PHF20: variants seen among roughly 807,000 people sequenced by gnomAD.
PHF20 encodes PHD finger protein 20, also known as glioma-expressed antigen 2.
Under a neutral mutation model 113.5 loss-of-function variants are expected in PHF20, and 23 were observed. The ratio of observed to expected loss-of-function variants is 0.20; its 90% CI spans 0.15 to 0.29. The LOEUF (loss-of-function observed/expected upper bound fraction) is 0.29, where lower values mean the gene tolerates loss of function less well. PHF20 is among the 10% of genes least tolerant of loss of function. The probability of loss-of-function intolerance (pLI) is 1.00; values close to 1 mark genes in which losing one functional copy is unlikely to be tolerated. For synonymous variants in PHF20, 434 were observed against 457.3 expected, an observed-to-expected ratio of 0.95 and a Z score of 0.65; for missense variants, 943 against 1,219.6, an observed-to-expected ratio of 0.77 and a Z score of 3.38.
chr20:35,915,083 C>T (rs996769990), intron 12 of PHF20, among the ~76,000 whole-genome samples: 2 of 147,290 alleles, frequency 1.4e-5, no homozygotes, highest in African/African-American at 5.0e-5. Flanking sequence ...CACACACTTA[C>T]ACACATATAT....
rs530292978 is a variant in PHF20, at chr20:35,933,624, A to C, written c.2300+2180A>C. On this transcript the variant is annotated intron_variant, in intron 15 of 17. Coordinates refer to ENST00000374012, the MANE Select transcript of PHF20 (RefSeq NM_016436.5). The stretch of plus-strand genomic sequence containing the variant: ...GTGTTAGCCAGGATGGTCTCGATCT[A>C]CTGACCTTGCGATCCACCTGCCTCA... Among the ~76,000 whole-genome samples, 94 of 152,084 alleles carry C rather than the reference A, an allele frequency of 6.2e-4. No homozygotes were observed. The Middle Eastern group carries it at 0.01, about 17-fold the overall frequency.
chr20:35,778,176 T>C (rs2041212783), intron 1 of PHF20, among the ~76,000 whole-genome samples: 1 of 152,154 alleles, frequency 6.6e-6, no homozygotes, highest in Non-Finnish European at 1.5e-5. Flanking sequence ...CTGTGCATCC[T>C]GAATTCAAGC....
intron 2 of PHF20, among the ~76,000 whole-genome samples, chr20:35,821,401 T>A (rs2146902051): frequency 6.7e-6 from 1 of 149,384 alleles, no homozygotes; most frequent in Non-Finnish European, 1.5e-5. Context: ...TGCCACTGCA[T>A]TCCAGTCTAG....
intron 5 of PHF20, among the ~76,000 whole-genome samples, chr20:35,859,404 A>G (rs1568663599): frequency 6.6e-6 from 1 of 152,146 alleles, no homozygotes; most frequent in African/African-American, 2.4e-5. Flanking sequence ...ATTATTACTA[A>G]TTTCAGCTGT....
At chr20:35,869,172 G>A (rs2054372319) in intron 6 of PHF20, among the ~76,000 whole-genome samples, 1 of 152,090 alleles carries the variant, frequency 6.6e-6, no homozygotes. Context: ...AATTAATGTA[G>A]CAAGTAGAGG....
intron 2 of PHF20, among the ~76,000 whole-genome samples, chr20:35,820,260 A>G (rs1184784126): frequency 6.6e-6 from 1 of 152,178 alleles, no homozygotes; most frequent in African/African-American, 2.4e-5. Context: ...CTTCAGAAAG[A>G]TGACTTTTGA....
intron 9 of PHF20, among the ~76,000 whole-genome samples, chr20:35,896,768 TC>T (rs2054993043): frequency 1.5e-5 from 2 of 131,764 alleles, no homozygotes; most frequent in South Asian, 5.0e-4. Flanking sequence ...ACCATTGCAC[TC>T]CAGCCTGGAC....
chr20:35,886,429 G>T (rs1003576003), intron 9 of PHF20, among the ~76,000 whole-genome samples: 1 of 151,960 alleles, frequency 6.6e-6, no homozygotes, highest in African/African-American at 2.4e-5. Flanking sequence ...CCTGGCCTTC[G>T]CTAATCTTTG....
In PHF20 at chr20:35,901,841, A is replaced by C. The variant is rs368901367; in HGVS notation, c.1561+2193A>C. On this transcript the variant is annotated intron_variant, in intron 10 of 17. Coordinates refer to ENST00000374012, the MANE Select transcript of PHF20 (RefSeq NM_016436.5). Reference sequence around the variant, plus strand: ...TTTGGAGCTGGGCACATGGGTTGTGAATCCCATCTGTTGCCTCAGTCACTG... The same window carrying C: ...TTTGGAGCTGGGCACATGGGTTGTGCATCCCATCTGTTGCCTCAGTCACTG... Among the ~76,000 whole-genome samples the C allele has an allele frequency of 9.8e-5, 15 of 152,314 alleles. No homozygotes were observed. The East Asian group carries it at 2.5e-3, about 25-fold the overall frequency.
At chr20:35,793,995 C>CAAAAA (rs56189104) in intron 1 of PHF20, among the ~76,000 whole-genome samples, 5 of 33,836 alleles carry the variant, frequency 1.5e-4, no homozygotes, top group South Asian at 1.5e-3. Context: ...GACTCTGTCT[C>CAAAAA]AAAAAAAAAA....
intron 2 of PHF20, among the ~76,000 whole-genome samples, chr20:35,815,735 G>T (rs1167819450): frequency 1.3e-5 from 2 of 151,910 alleles, no homozygotes; most frequent in African/African-American, 4.8e-5. Context: ...AAAGTGCTGG[G>T]ATTACAGGCG....
At chr20:35,792,979 T>A (rs2041587717) in intron 1 of PHF20, among the ~76,000 whole-genome samples, 1 of 152,154 alleles carries the variant, frequency 6.6e-6, no homozygotes, top group South Asian at 2.1e-4. Flanking sequence ...GTCTAAAACC[T>A]GTCTGTGCAC....
chr20:35,904,385 A>G (rs1192129899), intron 10 of PHF20, among the ~76,000 whole-genome samples: 2 of 149,894 alleles, frequency 1.3e-5, no homozygotes, highest in African/African-American at 2.5e-5. Flanking sequence ...TCGGGGTTCA[A>G]GCAATTCTCC....
At chr20:35,780,221 C>CTTTTTTT (rs930285446) in intron 1 of PHF20, among the ~76,000 whole-genome samples, 9 of 123,270 alleles carry the variant, frequency 7.3e-5, no homozygotes, top group South Asian at 2.7e-4. Flanking sequence ...CCCCAGATTT[C>CTTTTTTT]TTTTTTTTTT....
chr20:35,871,810 A>G lies in PHF20; in HGVS notation c.1263A>G (p.Gln421=). 1.2e-6 allele frequency: 2 copies of G among 1,611,374 alleles called. No individual in the cohort carries two copies. The highest frequency in any genetic ancestry group is 1.3e-5 in the African/African-American group (1 of 74,938). ...TEPTSPLVEL[Q]EISTVEVTNT... Reference sequence around the variant, plus strand: ...CGACTTCTCCCCTTGTGGAATTACAAGAGATTTCGACTGTGGAAGGTTCAT... The same window carrying G: ...CGACTTCTCCCCTTGTGGAATTACAGGAGATTTCGACTGTGGAAGGTTCAT... Residue 421 remains glutamine (Q), a synonymous_variant, in exon 9 of 18, where the codon CAA becomes CAG. Coordinates refer to ENST00000374012, the MANE Select transcript of PHF20 (RefSeq NM_016436.5).
chr20:35,895,514 A>G (rs993673091), intron 9 of PHF20, among the ~76,000 whole-genome samples: 1 of 152,118 alleles, frequency 6.6e-6, no homozygotes, highest in East Asian at 1.9e-4. Context: ...TTAACCTAAT[A>G]TAGATCAAGG....
intron 3 of PHF20, among the ~76,000 whole-genome samples, chr20:35,846,679 T>C (rs1361238212): frequency 1.3e-5 from 2 of 152,166 alleles, no homozygotes; most frequent in East Asian, 3.8e-4. Flanking sequence ...TCAGAATGTA[T>C]GCTGGTTAGG....
Position 35,944,899 on chromosome 20 carries a change from CT to C in PHF20, c.2897-2585del, listed in dbSNP as rs2056059271. Among the ~76,000 whole-genome samples the C allele has an allele frequency of 2.0e-5, 3 of 152,312 alleles. No individual in the cohort carries two copies. In the South Asian group the frequency reaches 6.2e-4, roughly 32 times the overall value. ...TTCTGCCTGTTTGCTGAACAGTCCCCTGTCTCCTTCTAGTTTTTTTTAAAGA... is the reference window on the plus strand; with the variant it reads ...TTCTGCCTGTTTGCTGAACAGTCCCCGTCTCCTTCTAGTTTTTTTTAAAGA... On this transcript the variant is annotated intron_variant, in intron 17 of 17. Transcript: ENST00000374012.
intron 1 of PHF20, among the ~76,000 whole-genome samples, chr20:35,790,905 C>A (rs886692381): frequency 2.6e-5 from 4 of 152,140 alleles, no homozygotes; most frequent in Admixed American, 2.6e-4. Flanking sequence ...GTTGCCCAGG[C>A]TGGACTGCAG....
Sources: gnomAD v4.1 joint callset for allele counts (sites outside exome capture counted in the v4.1 genomes callset) on GRCh38, gnomAD v4.1.1 for gene constraint, MANE v1.5 for transcripts, NCBI Gene and HGNC (gene_info 2026-07-23, HGNC 2026-07-21) for gene names.